Variants in CAST observed in about 807,000 individuals in gnomAD.
CAST encodes the protein MIR583 host.
CAST carries 76 observed loss-of-function variants against 119.6 expected under a neutral mutation model. That is an observed-to-expected ratio of 0.64 (90% CI 0.53 to 0.77). CAST has a LOEUF of 0.77. Among genes scored for constraint, CAST ranks in the 30% least tolerant of loss-of-function variants. CAST has a pLI of 0.00. For synonymous variants in CAST, 319 were observed against 331.6 expected (o/e 0.96, Z 0.41); for missense variants, 953 against 946.5 (o/e 1.01, Z -0.09).
chr5:96,613,478 A>C lies in CAST; in HGVS notation c.61-62061A>C, dbSNP rs73774332. Among the ~76,000 whole-genome samples the C allele has an allele frequency of 6.8e-3, 1,040 of 152,274 alleles. 16 individuals carry two copies. The highest frequency in any genetic ancestry group is 0.024 in the African/African-American group (1,000 of 41,556). ...TTTCTGTTTAAGTCTTCACAACCCT[A>C]TGAGTTAGATATTTTCACGTTCATT... On this transcript the variant is annotated intron_variant, in intron 1 of 11. Transcript: ENST00000505143.
At chr5:96,141,350 A>C in the CAST span, among the ~76,000 whole-genome samples, 2 of 152,314 alleles carry the variant, frequency 1.3e-5, no homozygotes, top group South Asian at 4.1e-4. Context: ...CATCGCATAG[A>C]AATGGTTGGC....
intron 3 of CAST, among the ~76,000 whole-genome samples, chr5:96,709,231 G>A (rs1049418378): frequency 3.9e-5 from 6 of 152,242 alleles, no homozygotes; most frequent in African/African-American, 1.4e-4. Context: ...GTGGGCAGTT[G>A]TCAAGGCTTA....
chr5:96,550,032 C>T (rs750839515), intron 1 of CAST, among the ~76,000 whole-genome samples: 5 of 152,194 alleles, frequency 3.3e-5, no homozygotes, highest in Non-Finnish European at 5.9e-5. Context: ...CGTCCCTGCC[C>T]GACAGCTCTC....
the CAST span, chr5:96,215,238 G>A: frequency 6.6e-6 from 1 of 152,078 alleles, no homozygotes; most frequent in Non-Finnish European, 1.5e-5. Context: ...AAAAATTATT[G>A]AGAACTCCAA....
At chr5:96,738,935 C>CAAA (rs34687945) in intron 11 of CAST, among the ~76,000 whole-genome samples, 7 of 88,158 alleles carry the variant, frequency 7.9e-5, no homozygotes, top group African/African-American at 3.4e-4. Context: ...GACTCCATCT[C>CAAA]AAAAAAAAAA....
At chr5:96,115,641 A>G in the CAST span, among the ~76,000 whole-genome samples, 3 of 152,240 alleles carry the variant, frequency 2.0e-5, no homozygotes, top group Non-Finnish European at 1.5e-5. Flanking sequence ...ATTGCATTAC[A>G]CTGTGAGTAT....
At chr5:96,765,780 G>A (rs956260610) in intron 26 of CAST, among the ~76,000 whole-genome samples, 5 of 151,620 alleles carry the variant, frequency 3.3e-5, no homozygotes, top group Non-Finnish European at 7.4e-5. Context: ...CATGGTTTCT[G>A]AAGATAATTA....
At chr5:96,342,310 G>C in the CAST span, among the ~76,000 whole-genome samples, 2 of 152,224 alleles carry the variant, frequency 1.3e-5, no homozygotes, top group East Asian at 3.8e-4. Context: ...TTGGTTGGGG[G>C]TGTTTTTGAG....
intron 1 of CAST, among the ~76,000 whole-genome samples, chr5:96,576,134 T>C (rs1415862719): frequency 6.6e-6 from 1 of 152,148 alleles, no homozygotes; most frequent in East Asian, 1.9e-4. Context: ...TTGAGGAAAT[T>C]TTTGTCTAAT....
chr5:96,321,397 CA>C, the CAST span, among the ~76,000 whole-genome samples: 1 of 152,206 alleles, frequency 6.6e-6, no homozygotes, highest in African/African-American at 2.4e-5. Context: ...TTAGAGCCTG[CA>C]AACTCATAAA....
the CAST span, among the ~76,000 whole-genome samples, chr5:95,968,567 C>T: frequency 1.3e-5 from 2 of 152,080 alleles, no homozygotes; most frequent in Admixed American, 6.6e-5. Flanking sequence ...TCCCGCGGGA[C>T]TGTATCTCTC....
chr5:96,466,591 C>T, the CAST span, among the ~76,000 whole-genome samples: 1 of 151,536 alleles, frequency 6.6e-6, no homozygotes, highest in African/African-American at 2.4e-5. Flanking sequence ...TTTCCATAAA[C>T]AGGCAGACAA....
chr5:96,754,513 G>T, intron 21 of CAST, 145 bp from the exon 22 acceptor site: 1 of 626,568 alleles, frequency 1.6e-6, no homozygotes, highest in Non-Finnish European at 2.9e-6. Context: ...GCCAGATGAA[G>T]TTGCTGTAGG....
the CAST span, among the ~76,000 whole-genome samples, chr5:96,025,164 G>A: frequency 7.2e-5 from 11 of 152,032 alleles, no homozygotes; most frequent in Non-Finnish European, 1.3e-4. Context: ...ACAAATTACC[G>A]TAGGCTAGGG....
At chr5:95,961,469 T>C in the CAST span, 7 of 1,302,916 alleles carry the variant, frequency 5.4e-6, no homozygotes, top group Admixed American at 2.5e-4. Context: ...GCGCTGACGG[T>C]AGCAGCTGCC....
chr5:96,561,799 T>TTTTTTTGTTG (rs1746373593), intron 1 of CAST, among the ~76,000 whole-genome samples: 1 of 89,486 alleles, frequency 1.1e-5, no homozygotes, highest in African/African-American at 3.9e-5. Context: ...TTTTTTTGTT[T>TTTTTTTGTTG]TTTTTTTTTT....
chr5:96,491,487 T>C, the CAST span, among the ~76,000 whole-genome samples: 1 of 13,126 alleles, frequency 7.6e-5, no homozygotes, highest in Non-Finnish European at 1.8e-4. Flanking sequence ...CGAGACTCCA[T>C]CTCAAAAAAA....
chr5:95,994,393 A>C, the CAST span, among the ~76,000 whole-genome samples: 1 of 152,220 alleles, frequency 6.6e-6, no homozygotes, highest in Non-Finnish European at 1.5e-5. Context: ...AAGAAATCAC[A>C]ACATTATATT....
chr5:96,357,128 T>A, the CAST span, among the ~76,000 whole-genome samples: 1 of 152,320 alleles, frequency 6.6e-6, no homozygotes, highest in Non-Finnish European at 1.5e-5. Context: ...TCTGGCTCTC[T>A]GTTTGTCTAT....
Sources: allele counts gnomAD v4.1 joint callset (sites outside exome capture counted in the v4.1 genomes callset), GRCh38; gene constraint gnomAD v4.1.1; transcripts MANE v1.5; gene names NCBI Gene and HGNC (gene_info 2026-07-23, HGNC 2026-07-21).